Variants in PCDHA9 observed in about 807,000 individuals in gnomAD.
PCDHA9 encodes the protein protocadherin alpha 9.
PCDHA9 carries 62 observed loss-of-function variants against 62.0 expected under a neutral mutation model. That is an observed-to-expected ratio of 1.00 (90% CI 0.81 to 1.23). The LOEUF is 1.23. PCDHA9 is among the 50% of genes most tolerant of loss of function. The pLI, the probability that PCDHA9 is intolerant of heterozygous loss-of-function variation, is 0.00. For missense variants in PCDHA9, 1,205 were observed against 1,249.8 expected (o/e 0.96, Z 0.54); for synonymous variants, 557 against 567.6 (o/e 0.98, Z 0.27).
intron 1 of PCDHA9, chr5:140,967,013 G>A: frequency 1.9e-6 from 3 of 1,606,874 alleles, no homozygotes; most frequent in Non-Finnish European, 2.5e-6. Flanking sequence ...CAACCATCTG[G>A]GTGCGCCCAG....
intron 1 of PCDHA9, chr5:140,929,632 C>T: frequency 2.6e-6 from 1 of 387,580 alleles, no homozygotes; most frequent in Admixed American, 4.5e-5. Flanking sequence ...TTATAAGCAA[C>T]AGATGTGTAA....
In PCDHA9 at chr5:140,898,801, A is replaced by T. The variant is rs1275933236; in HGVS notation, c.2394+47912A>T. The stretch of plus-strand genomic sequence containing the variant: ...TGGGCAGTATGGCCATTTTCACGAT[A>T]CTGATTCTTCCTACCCATGAGCATG... On this transcript the variant is annotated intron_variant, in intron 1 of 3. Coordinates refer to ENST00000532602, the MANE Select transcript of PCDHA9 (RefSeq NM_031857.2). Among the ~76,000 whole-genome samples the T allele has an allele frequency of 1.3e-5, 2 of 152,200 alleles. 1 individual carries two copies. The highest frequency in any genetic ancestry group is 3.8e-4 in the East Asian group (2 of 5,198).
chr5:140,876,476 T>G, intron 1 of PCDHA9: 1 of 1,614,036 alleles, frequency 6.2e-7, no homozygotes, highest in Non-Finnish European at 8.5e-7. Context: ...GGTCACAGCA[T>G]GGTCCTGGTG....
At chr5:140,880,496 A>G (rs965874952) in intron 1 of PCDHA9, among the ~76,000 whole-genome samples, 4 of 152,206 alleles carry the variant, frequency 2.6e-5, no homozygotes, top group African/African-American at 4.8e-5. Flanking sequence ...AGAGCAATTG[A>G]ATTTCTGTTT....
At chr5:140,942,900 GA>G (rs1383279314) in intron 1 of PCDHA9, among the ~76,000 whole-genome samples, 1 of 151,718 alleles carries the variant, frequency 6.6e-6, no homozygotes, top group Non-Finnish European at 1.5e-5. Context: ...TTATCTCTAA[GA>G]ATAAGCGTGA....
At chr5:140,869,878 A>G in intron 1 of PCDHA9, 1 of 1,610,122 alleles carries the variant, frequency 6.2e-7, no homozygotes, top group Non-Finnish European at 8.5e-7. Flanking sequence ...TGCTAAAGAA[A>G]CTCTTGTGCT....
intron 1 of PCDHA9, chr5:140,928,374 C>T (rs782659188): frequency 6.2e-7 from 1 of 1,614,172 alleles, no homozygotes; most frequent in Non-Finnish European, 8.5e-7. Flanking sequence ...GGCCATCAGC[C>T]TCTAGCTTGC....
chr5:140,967,116 G>T, intron 1 of PCDHA9: 1 of 1,612,922 alleles, frequency 6.2e-7, no homozygotes, highest in Non-Finnish European at 8.5e-7. Flanking sequence ...CGGCCTCGCT[G>T]CCTGCTCAGC....
At chr5:140,913,987 T>C (rs562066581) in intron 1 of PCDHA9, among the ~76,000 whole-genome samples, 5 of 152,318 alleles carry the variant, frequency 3.3e-5, no homozygotes, top group African/African-American at 1.2e-4. Context: ...ACTTGTATTG[T>C]GACTAGCATA....
chr5:140,954,830 T>TG (rs2095095109), intron 1 of PCDHA9, among the ~76,000 whole-genome samples: 1 of 152,220 alleles, frequency 6.6e-6, no homozygotes, highest in Admixed American at 6.5e-5. Flanking sequence ...GGCACTTTTG[T>TG]CATGAAATCT....
At chr5:140,948,849 C>A (rs2094312653) in intron 1 of PCDHA9, among the ~76,000 whole-genome samples, 1 of 151,046 alleles carries the variant, frequency 6.6e-6, no homozygotes, top group Admixed American at 6.6e-5. Flanking sequence ...GTATTATTTG[C>A]CTTCTTATAT....
intron 1 of PCDHA9, among the ~76,000 whole-genome samples, chr5:140,855,675 G>T (rs1554147907): frequency 6.7e-6 from 1 of 149,648 alleles, no homozygotes; most frequent in African/African-American, 2.5e-5. Context: ...TACTCTGAGA[G>T]TCTACATTTA....
intron 1 of PCDHA9, among the ~76,000 whole-genome samples, chr5:140,976,160 T>A (rs1554237376): frequency 6.6e-6 from 1 of 152,196 alleles, no homozygotes; most frequent in Admixed American, 6.5e-5. Context: ...TTTTACTACT[T>A]TTAGTTTTGT....
At chr5:141,002,331 C>T (rs550513057) in intron 3 of PCDHA9, among the ~76,000 whole-genome samples, 1 of 152,372 alleles carries the variant, frequency 6.6e-6, no homozygotes, top group South Asian at 2.1e-4. Context: ...CGGGCTGCAT[C>T]CGCACCCCTT....
At chr5:140,905,880 A>G (rs1485985374) in intron 1 of PCDHA9, among the ~76,000 whole-genome samples, 4 of 152,172 alleles carry the variant, frequency 2.6e-5, no homozygotes, top group Non-Finnish European at 1.5e-5. Flanking sequence ...AGGCCCAACA[A>G]TAGGCCATCT....
intron 1 of PCDHA9, among the ~76,000 whole-genome samples, chr5:140,936,885 T>C (rs1490428437): frequency 6.6e-6 from 1 of 152,238 alleles, no homozygotes; most frequent in Non-Finnish European, 1.5e-5. Context: ...CCTGCTTTGA[T>C]TTTAATTGGC....
In PCDHA9 at chr5:140,849,014, C is replaced by T; in HGVS notation, c.519C>T (p.Ser173=). The T allele has an allele frequency of 1.3e-6, 2 of 1,590,086 alleles. No homozygotes were observed. Among genetic ancestry groups the T allele is most frequent in the East Asian group, 2.2e-5 (1 of 44,658 alleles). The stretch of plus-strand genomic sequence containing the variant: ...ACGCCCTGCTCACTTACAGACTGAG[C>T]CCCAATGAGTATTTCTTCCTGGACG... The part of the protein sequence containing the change: ...GENALLTYRL[S]PNEYFFLDVP... Residue 173 remains serine (S), a synonymous_variant, in exon 1 of 4, where the codon AGC becomes AGT. Coordinates refer to ENST00000532602, the MANE Select transcript of PCDHA9 (RefSeq NM_031857.2).
intron 1 of PCDHA9, among the ~76,000 whole-genome samples, chr5:140,951,227 G>A (rs181202222): frequency 1.3e-5 from 2 of 152,044 alleles, no homozygotes; most frequent in African/African-American, 2.4e-5. Flanking sequence ...ATTCTTGATG[G>A]TCTTTACCTT....
chr5:140,849,050 CAA>C lies in PCDHA9; in HGVS notation c.556_557del (p.Asn186ProfsTer51). The C allele has an allele frequency of 6.4e-7, 1 of 1,560,214 alleles. No homozygotes were observed. On this transcript the variant is annotated frameshift_variant, in exon 1 of 4. Coordinates refer to ENST00000532602, the MANE Select transcript of PCDHA9 (RefSeq NM_031857.2). LOFTEE classifies it high-confidence loss of function. ...EYFFLDVPTS[N>X]QQVKPLGLVL... ...ATTTCTTCCTGGACGTGCCAACCAG[CAA>C]CCAGCAGGTAAAACCTCTTGGACTT...
Sources: allele counts gnomAD v4.1 joint callset (sites outside exome capture counted in the v4.1 genomes callset), GRCh38; gene constraint gnomAD v4.1.1; transcripts MANE v1.5; gene names NCBI Gene and HGNC (gene_info 2026-07-23, HGNC 2026-07-21).